The following ZSCAN25 variants were observed in gnomAD, a reference collection of about 807,000 sequenced individuals.
ZSCAN25 encodes zinc finger and SCAN domain-containing protein 25.
ZSCAN25 carries 27 observed loss-of-function variants against 38.7 expected under a neutral mutation model. That is an observed-to-expected ratio of 0.70 (90% CI 0.51 to 0.96). ZSCAN25 has a LOEUF of 0.96. Among genes scored for constraint, ZSCAN25 ranks in the 40% least tolerant of loss-of-function variants. ZSCAN25 has a pLI of 0.00. For synonymous variants in ZSCAN25, 273 were observed against 277.7 expected (o/e 0.98, Z 0.17); for missense variants, 637 against 705.9 (o/e 0.90, Z 1.11).
chr7:99,676,795 G>A, the ZSCAN25 span, among the ~76,000 whole-genome samples: 1 of 152,100 alleles, frequency 6.6e-6, no homozygotes, highest in Non-Finnish European at 1.5e-5. Context: ...CCTTGGAGGA[G>A]TCATGGAGTC....
At chr7:99,698,146 C>T in the ZSCAN25 span, among the ~76,000 whole-genome samples, 11 of 152,268 alleles carry the variant, frequency 7.2e-5, no homozygotes, top group South Asian at 2.1e-4. Flanking sequence ...ATCTATTGCA[C>T]GTAATTGTGT....
chr7:99,677,171 A>G, the ZSCAN25 span: 1 of 985,116 alleles, frequency 1.0e-6, no homozygotes. Context: ...TCATGTGCAA[A>G]CTCCTCCAAC....
the ZSCAN25 span, among the ~76,000 whole-genome samples, chr7:99,722,051 T>C: frequency 3.9e-5 from 6 of 152,212 alleles, no homozygotes; most frequent in African/African-American, 1.4e-4. Context: ...TCATATTTTC[T>C]GTGGAACATC....
At chr7:99,624,461 A>G in intron 7 of ZSCAN25, 2 of 418,182 alleles carry the variant, frequency 4.8e-6, no homozygotes, top group East Asian at 8.2e-5. Context: ...GATTAAAGAC[A>G]CTGAGGGCTT....
chr7:99,693,565 G>A, the ZSCAN25 span, among the ~76,000 whole-genome samples: 150 of 152,274 alleles, frequency 9.9e-4, no homozygotes, highest in African/African-American at 3.4e-3. Flanking sequence ...CACCCACTTC[G>A]TGCTTCCAGG....
the ZSCAN25 span, among the ~76,000 whole-genome samples, chr7:99,667,884 TA>T: frequency 2.0e-5 from 3 of 152,090 alleles, no homozygotes; most frequent in African/African-American, 7.2e-5. Flanking sequence ...CAAGAAGAAC[TA>T]AAAAATGCCC....
Position 99,619,732 on chromosome 7 carries a change from G to A in ZSCAN25, c.126G>A (p.Arg42=), listed in dbSNP as rs1806777810. 1 of 1,614,140 alleles carries A rather than the reference G, an allele frequency of 6.2e-7. No individual in the cohort carries two copies. Among genetic ancestry groups the A allele is most frequent in the Non-Finnish European group, 8.5e-7 (1 of 1,180,058 alleles). Residue 42 remains arginine, a synonymous_variant, in exon 4 of 8, where the codon CGG becomes CGA. Coordinates refer to ENST00000394152, the MANE Select transcript of ZSCAN25 (RefSeq NM_145115.3). ...GREDPSPETF[R]LRFRQFRYQE... ...AGGACCCTAGTCCAGAGACTTTTCG[G>A]CTGAGGTTTCGGCAGTTCCGCTACC...
At chr7:99,719,696 G>C in the ZSCAN25 span, among the ~76,000 whole-genome samples, 1 of 152,188 alleles carries the variant, frequency 6.6e-6, no homozygotes, top group East Asian at 1.9e-4. Flanking sequence ...GATAGTAGCA[G>C]GGAGCCATAC....
chr7:99,645,716 CT>C, the ZSCAN25 span, among the ~76,000 whole-genome samples: 4,102 of 151,238 alleles, frequency 0.027, 162 homozygotes, highest in African/African-American at 0.092. Flanking sequence ...TGATGTTAAG[CT>C]TTTTTTTTAT....
chr7:99,639,160 TA>T, the ZSCAN25 span, among the ~76,000 whole-genome samples: 1 of 152,118 alleles, frequency 6.6e-6, no homozygotes, highest in Non-Finnish European at 1.5e-5. Context: ...GAAGAGCAAA[TA>T]GTTGGACGTC....
chr7:99,682,064 G>A, the ZSCAN25 span, among the ~76,000 whole-genome samples: 1 of 152,096 alleles, frequency 6.6e-6, no homozygotes, highest in South Asian at 2.1e-4. Flanking sequence ...CGCCTCCTGG[G>A]TCCAAGTGAT....
At chr7:99,651,120 G>A in the ZSCAN25 span, among the ~76,000 whole-genome samples, 1 of 152,170 alleles carries the variant, frequency 6.6e-6, no homozygotes, top group Non-Finnish European at 1.5e-5. Context: ...GAGGGTGATG[G>A]TGGCATTTGG....
At chr7:99,671,957 C>A in the ZSCAN25 span, 1 of 672,244 alleles carries the variant, frequency 1.5e-6, no homozygotes, top group Non-Finnish European at 2.7e-6. Flanking sequence ...CTGGTGAAAT[C>A]TGAAAAGCTC....
At chr7:99,672,009 G>A in the ZSCAN25 span, 5 of 582,088 alleles carry the variant, frequency 8.6e-6, no homozygotes, top group Non-Finnish European at 1.5e-5. Context: ...TATAGTATTA[G>A]GTTGGTGCAA....
the ZSCAN25 span, chr7:99,638,332 C>A: frequency 1.2e-6 from 2 of 1,605,676 alleles, no homozygotes; most frequent in Non-Finnish European, 1.7e-6. Context: ...CAGTTCCTGT[C>A]CTGAATCCAG....
At chr7:99,708,563 C>G in the ZSCAN25 span, among the ~76,000 whole-genome samples, 3 of 152,104 alleles carry the variant, frequency 2.0e-5, no homozygotes, top group Non-Finnish European at 4.4e-5. Flanking sequence ...ATAATTTACA[C>G]AGGCATATGA....
chr7:99,711,784 C>CAAA, the ZSCAN25 span, among the ~76,000 whole-genome samples: 16 of 151,632 alleles, frequency 1.1e-4, no homozygotes, highest in Admixed American at 3.3e-4. Flanking sequence ...CAAAACAAAA[C>CAAA]AACAACAACA....
the ZSCAN25 span, chr7:99,676,476 C>G: frequency 1.4e-6 from 2 of 1,414,798 alleles, no homozygotes; most frequent in Non-Finnish European, 1.9e-6. Flanking sequence ...TAAATGTCCT[C>G]AAATGCTCCT....
chr7:99,720,200 A>C, the ZSCAN25 span: 1 of 1,325,268 alleles, frequency 7.5e-7, no homozygotes, highest in African/African-American at 1.5e-5. Context: ...GATGAAGTGT[A>C]CATGGAACCT....
Sources: allele counts gnomAD v4.1 joint callset (sites outside exome capture counted in the v4.1 genomes callset), GRCh38; gene constraint gnomAD v4.1.1; transcripts MANE v1.5; gene names NCBI Gene and HGNC (gene_info 2026-07-23, HGNC 2026-07-21).